Variants in TUBD1 observed in about 807,000 individuals in gnomAD.
TUBD1 encodes tubulin delta 1.
Under a neutral mutation model 51.2 loss-of-function variants are expected in TUBD1, and 38 were observed. The observed-to-expected ratio is 0.74, with a 90% CI of 0.57 to 0.97. The LOEUF is 0.97. TUBD1 is among the 50% of genes least tolerant of loss of function. The probability of loss-of-function intolerance (pLI) is 0.00; values close to 1 mark genes in which losing one functional copy is unlikely to be tolerated. For synonymous variants in TUBD1, 169 were observed against 178.2 expected, an observed-to-expected ratio of 0.95 and a Z score of 0.41; for missense variants, 489 against 538.4, an observed-to-expected ratio of 0.91 and a Z score of 0.91.
At position 59,863,735 on chromosome 17, in the gene TUBD1, G is replaced by T; in HGVS notation, c.1188C>A (p.Val396=). The stretch of plus-strand genomic sequence containing the variant: ...GTTTTACTAAGAACTGGCTGTTGCT[G>T]ACCAACACTGCAGACTTCTCATATT... ...FSKYEKSAVL[V]SNSQFLVKPL... The change falls in exon 8 of 9, where the codon GTC becomes GTA. Residue 396 remains valine (V), a synonymous_variant. Transcript: ENST00000325752. The T allele has an allele frequency of 6.2e-7, 1 of 1,609,264 alleles. No homozygotes were observed. The highest frequency in any genetic ancestry group is 8.5e-7 in the Non-Finnish European group (1 of 1,178,572).
intron 6 of TUBD1, among the ~76,000 whole-genome samples, chr17:59,873,098 A>G (rs1439572491): frequency 6.6e-6 from 1 of 151,954 alleles, no homozygotes; most frequent in Non-Finnish European, 1.5e-5. Flanking sequence ...TGCAAGAGAT[A>G]ACAATATAAG....
chr17:59,890,247 C>A (rs1364381434), intron 2 of TUBD1, among the ~76,000 whole-genome samples: 2 of 151,932 alleles, frequency 1.3e-5, no homozygotes, highest in African/African-American at 2.4e-5. Flanking sequence ...TAAGCAGGGT[C>A]CTTTTATTTT....
chr17:59,874,493 C>A, intron 6 of TUBD1, 46 bp downstream of exon 6: 1 of 1,587,306 alleles, frequency 6.3e-7, no homozygotes, highest in Non-Finnish European at 8.6e-7. Flanking sequence ...CCAGGACAGA[C>A]ATTTTTTCCA....
intron 7 of TUBD1, among the ~76,000 whole-genome samples, chr17:59,864,082 A>C (rs764350996): frequency 2.6e-5 from 4 of 152,064 alleles, no homozygotes; most frequent in Non-Finnish European, 5.9e-5. Flanking sequence ...TCTCTACTAA[A>C]AATAAAAAAT....
chr17:59,861,787 C>G (rs1315628438), intron 8 of TUBD1, among the ~76,000 whole-genome samples: 1 of 151,648 alleles, frequency 6.6e-6, no homozygotes, highest in African/African-American at 2.4e-5. Context: ...CCTGCCTCAG[C>G]CTCCCAAGTA....
chr17:59,869,405 G>A (rs549314286), intron 6 of TUBD1, among the ~76,000 whole-genome samples: 21 of 150,484 alleles, frequency 1.4e-4, no homozygotes, highest in South Asian at 1.3e-3. Context: ...CAACTGGGAG[G>A]CAGCGGTTGC....
At chr17:59,885,753 A>C (rs1265866553) in intron 3 of TUBD1, among the ~76,000 whole-genome samples, 1 of 152,226 alleles carries the variant, frequency 6.6e-6, no homozygotes, top group Non-Finnish European at 1.5e-5. Flanking sequence ...AATGTGCAGC[A>C]AAGTTTGGGA....
At chr17:59,873,018 C>T (rs1283096796) in intron 6 of TUBD1, among the ~76,000 whole-genome samples, 1 of 151,970 alleles carries the variant, frequency 6.6e-6, no homozygotes, top group African/African-American at 2.4e-5. Context: ...CCACCTCAAC[C>T]TCCCAAAGTG....
At chr17:59,891,082 C>T in intron 1 of TUBD1, 41 bp from the exon 2 acceptor site, 1 of 1,045,258 alleles carries the variant, frequency 9.6e-7, no homozygotes, top group South Asian at 1.5e-5. Context: ...CACTACATTA[C>T]TAATAAGAAC....
intron 5 of TUBD1, among the ~76,000 whole-genome samples, chr17:59,875,999 TAAAGA>T (rs2040207299): frequency 6.6e-6 from 1 of 152,156 alleles, no homozygotes; most frequent in South Asian, 2.1e-4. Flanking sequence ...ATGTACATCC[TAAAGA>T]AAAGAACAAA....
At chr17:59,877,986 T>A in intron 5 of TUBD1, 117 bp downstream of exon 5, 2 of 790,456 alleles carry the variant, frequency 2.5e-6, no homozygotes, top group Non-Finnish European at 4.0e-6. Context: ...AAGAAAGGGT[T>A]TTGAGATGAG....
At chr17:59,885,655 A>C (rs909207315) in intron 3 of TUBD1, 1 of 678,954 alleles carries the variant, frequency 1.5e-6, no homozygotes, top group Admixed American at 2.9e-5. Flanking sequence ...CTGTGGTTAA[A>C]AAAACAAAAC....
At chr17:59,883,394 C>T (rs755614997) in intron 3 of TUBD1, among the ~76,000 whole-genome samples, 24 of 151,916 alleles carry the variant, frequency 1.6e-4, no homozygotes, top group Non-Finnish European at 3.1e-4. Flanking sequence ...CTCAGCCTCC[C>T]GAGTAGCTGG....
intron 8 of TUBD1, among the ~76,000 whole-genome samples, 183 bp downstream of exon 8, chr17:59,863,481 C>T (rs539332890): frequency 1.3e-4 from 20 of 152,020 alleles, no homozygotes; most frequent in East Asian, 1.9e-4. Flanking sequence ...TGGTGGTAGG[C>T]GCCTGTAATC....
At chr17:59,865,314 T>C (rs1167240269) in intron 7 of TUBD1, among the ~76,000 whole-genome samples, 1 of 152,072 alleles carries the variant, frequency 6.6e-6, no homozygotes, top group Non-Finnish European at 1.5e-5. Flanking sequence ...CCCAGCACTA[T>C]GGGAGGCCGA....
At chr17:59,881,170 T>C in intron 3 of TUBD1, 60 bp from the exon 4 acceptor site, 1 of 1,369,352 alleles carries the variant, frequency 7.3e-7, no homozygotes, top group South Asian at 1.2e-5. Flanking sequence ...AGATATGTAA[T>C]TCAGAGAGAA....
At chr17:59,877,246 C>T (rs779566843) in intron 5 of TUBD1, among the ~76,000 whole-genome samples, 47 of 152,352 alleles carry the variant, frequency 3.1e-4, no homozygotes, top group Non-Finnish European at 6.0e-4. Context: ...CTGGCAAAAT[C>T]CCAGTCTTCG....
At chr17:59,890,543 G>A (rs1348446238) in intron 2 of TUBD1, among the ~76,000 whole-genome samples, 1 of 152,092 alleles carries the variant, frequency 6.6e-6, no homozygotes, top group Non-Finnish European at 1.5e-5. Flanking sequence ...CGCCCAGCCA[G>A]CAGGGTCCTC....
intron 7 of TUBD1, among the ~76,000 whole-genome samples, chr17:59,865,389 G>A (rs896810020): frequency 6.6e-6 from 1 of 151,732 alleles, no homozygotes; most frequent in African/African-American, 2.4e-5. Context: ...AGACCAGCCT[G>A]GTCAATATGG....
Sources: allele counts gnomAD v4.1 joint callset (sites outside exome capture counted in the v4.1 genomes callset), GRCh38; gene constraint gnomAD v4.1.1; transcripts MANE v1.5; gene names NCBI Gene and HGNC (gene_info 2026-07-23, HGNC 2026-07-21).